The following RIMS2 variants were observed in gnomAD, a reference collection of about 807,000 sequenced individuals.
RIMS2 encodes regulating synaptic membrane exocytosis protein 2.
In RIMS2, 59 loss-of-function variants were observed where a neutral mutation model predicts 174.4. That is an observed-to-expected ratio of 0.34 (90% CI 0.27 to 0.42). The LOEUF (loss-of-function observed/expected upper bound fraction) is 0.42. Among genes scored for constraint, RIMS2 ranks in the 10% least tolerant of loss-of-function variants. RIMS2 has a pLI of 1.00. For missense variants in RIMS2, 1,620 were observed against 1,666.3 expected, an observed-to-expected ratio of 0.97 and a Z score of 0.48; for synonymous variants, 606 against 572.5, an observed-to-expected ratio of 1.06 and a Z score of -0.84.
In RIMS2 at chr8:103,795,608, G is replaced by T. The variant is rs192348853; in HGVS notation, c.698+29071G>T. Among the ~76,000 whole-genome samples the T allele has an allele frequency of 3.3e-3, 501 of 151,368 alleles. 6 individuals are homozygous for T. The highest frequency in any genetic ancestry group is 0.012 in the African/African-American group (485 of 41,318). ...AATGATGAAAAATAAGAAGTACAAA[G>T]AAAAAAAAGAGGATAAGCCTGTATT... is the stretch of plus-strand genomic sequence containing the variant. On this transcript the variant is annotated intron_variant, in intron 3 of 23. Transcript: ENST00000504942.
At chr8:103,921,624 T>G (rs754235523) in intron 9 of RIMS2, 48 bp from the exon 13 acceptor site, 1 of 806,128 alleles carries the variant, frequency 1.2e-6, no homozygotes, top group Non-Finnish European at 2.2e-6. Context: ...TACTAAATAC[T>G]TGTGAAGAGC....
intron 3 of RIMS2, among the ~76,000 whole-genome samples, chr8:103,836,999 C>T (rs1450382888): frequency 6.6e-6 from 1 of 152,174 alleles, no homozygotes; most frequent in African/African-American, 2.4e-5. Context: ...ATTTTCTCTA[C>T]GTATTTTTTA....
intron 1 of RIMS2, among the ~76,000 whole-genome samples, chr8:103,611,392 T>C (rs940539164): frequency 6.6e-5 from 10 of 152,174 alleles, no homozygotes; most frequent in African/African-American, 2.4e-4. Flanking sequence ...TTCTGCATGC[T>C]TAGTGAGTTT....
intron 3 of RIMS2, among the ~76,000 whole-genome samples, chr8:103,851,181 G>A (rs2098995762): frequency 6.6e-6 from 1 of 151,884 alleles, no homozygotes; most frequent in African/African-American, 2.4e-5. Flanking sequence ...GAAATGAAGT[G>A]ACCAGCAATA....
intron 1 of RIMS2, among the ~76,000 whole-genome samples, chr8:103,619,587 A>C (rs988250236): frequency 1.3e-5 from 2 of 152,172 alleles, no homozygotes; most frequent in Non-Finnish European, 2.9e-5. Flanking sequence ...GGGGAAGAAA[A>C]GAAAGAGCAG....
chr8:103,606,515 G>A (rs948266157), intron 1 of RIMS2, among the ~76,000 whole-genome samples: 4 of 152,154 alleles, frequency 2.6e-5, no homozygotes, highest in African/African-American at 7.2e-5. Flanking sequence ...TGTCTATTAG[G>A]TCTGCTTGGT....
intron 2 of RIMS2, among the ~76,000 whole-genome samples, chr8:103,702,086 C>A (rs2097173882): frequency 6.6e-6 from 1 of 152,042 alleles, no homozygotes; most frequent in African/African-American, 2.4e-5. Context: ...TCTCTGCATC[C>A]TTGTTAACAT....
intron 3 of RIMS2, among the ~76,000 whole-genome samples, chr8:103,824,999 G>T (rs193125084): frequency 8.0e-4 from 122 of 152,226 alleles, no homozygotes; most frequent in African/African-American, 2.8e-3. Flanking sequence ...CATATCTAGG[G>T]TCTGCTGCTT....
At chr8:103,509,706 A>G (rs1176454181) in intron 1 of RIMS2, among the ~76,000 whole-genome samples, 1 of 152,088 alleles carries the variant, frequency 6.6e-6, no homozygotes, top group African/African-American at 2.4e-5. Context: ...TGGAAAGGGG[A>G]AAGTTAAGAA....
chr8:103,750,466 G>C lies in RIMS2; in HGVS notation c.388-15761G>C, dbSNP rs114419354. ...AAATAACAAAGAGTGTAATTGGATT[G>C]TTTGCAACTCAATGGATAAATATTT... On this transcript the variant is annotated intron_variant, in intron 2 of 23. Transcript: ENST00000504942. Among the ~76,000 whole-genome samples, 1,287 of 152,144 alleles carry C rather than the reference G, an allele frequency of 8.5e-3. 29 individuals carry two copies. Among genetic ancestry groups the C allele is most frequent in the African/African-American group, 0.029 (1,211 of 41,478 alleles).
chr8:104,223,726 G>T, intron 19 of RIMS2: 1 of 1,593,112 alleles, frequency 6.3e-7, no homozygotes, highest in Non-Finnish European at 8.5e-7. Flanking sequence ...GGAGTAGCCT[G>T]TCTGCCTCCT....
In RIMS2 at chr8:104,173,613, A is replaced by ATTTTTTT. The variant is rs71297262; in HGVS notation, c.3335-71276_3335-71270dup. Among the ~76,000 whole-genome samples the ATTTTTTT allele has an allele frequency of 3.7e-3, 199 of 54,242 alleles. 41 individuals carry two copies. The highest frequency in any genetic ancestry group is 6.3e-3 in the South Asian group (6 of 950). 35.6% of individuals were successfully genotyped at this position (54,242 alleles called of 152,430 possible). A position where few individuals can be genotyped will look rare whatever the true frequency, so the allele number is the denominator to read the frequency against. Reference sequence around the variant, plus strand: ...AATATTTACTACCTTAGCTCTTCTGATTTTTTTTTTTTTTTTTTTTTTTTT... The same window carrying ATTTTTTT: ...AATATTTACTACCTTAGCTCTTCTGATTTTTTTTTTTTTTTTTTTTTTTTTTTTTTTT... On this transcript the variant is annotated intron_variant, in intron 19 of 23. Transcript: ENST00000504942.
chr8:103,961,048 T>C lies in RIMS2; in HGVS notation c.2702-17T>C. On this transcript the variant is annotated splice_polypyrimidine_tract_variant and intron_variant, in intron 14 of 23. Transcript: ENST00000504942. ...GAGAATCAGAATTTTTAATTATTGC[T>C]ATTGTTTACTTTATAGGGTCAAAGA... 4 of 1,281,146 alleles carry C rather than the reference T, an allele frequency of 3.1e-6. No homozygotes were observed. Among genetic ancestry groups the C allele is most frequent in the Non-Finnish European group, 4.5e-6 (4 of 880,648 alleles). 79.4% of individuals were successfully genotyped at this position (1,281,146 alleles called of 1,614,324 possible).
intron 19 of RIMS2, among the ~76,000 whole-genome samples, chr8:104,207,819 A>AAT (rs934094352): frequency 2.8e-4 from 42 of 149,542 alleles, no homozygotes; most frequent in Admixed American, 2.0e-4. Flanking sequence ...TTCTCAAAAA[A>AAT]ATATATATAT....
chr8:103,834,676 TTTTCTTTCTTTC>T (rs71297240), intron 3 of RIMS2, among the ~76,000 whole-genome samples: 4,827 of 119,972 alleles, frequency 0.04, 138 homozygotes, highest in Admixed American at 0.086. Context: ...TCTGAGGTCT[TTTTCTTTCTTTC>T]TTTCTTTCTT....
intron 19 of RIMS2, among the ~76,000 whole-genome samples, chr8:104,213,738 G>A (rs533689825): frequency 6.6e-5 from 10 of 151,966 alleles, no homozygotes; most frequent in East Asian, 3.9e-4. Context: ...TTAGTTGGGC[G>A]TGGTGGCACG....
chr8:104,230,275 A>G (rs543830654), intron 19 of RIMS2, among the ~76,000 whole-genome samples: 77 of 125,214 alleles, frequency 6.1e-4, no homozygotes, highest in South Asian at 1.5e-3. Context: ...GCAAAACTAC[A>G]TCTCAAAAAA....
Position 104,010,901 on chromosome 8 carries a change from T to C in RIMS2, c.3045-2541T>C, listed in dbSNP as rs79105261. 7.8e-3 allele frequency among the ~76,000 whole-genome samples: 1,192 copies of C among 152,248 alleles called. 12 individuals carry two copies. The highest frequency in any genetic ancestry group is 0.027 in the African/African-American group (1,131 of 41,552). On this transcript the variant is annotated intron_variant, in intron 17 of 23. Coordinates refer to ENST00000504942, the Ensembl canonical transcript of RIMS2. The stretch of plus-strand genomic sequence containing the variant: ...ATGGTTACAGAGGAAATGACTTATA[T>C]TGAAATAAACACTCCAAGTTAAGAA...
At chr8:103,885,797 C>T (rs770852995) in exon 4 of RIMS2, 2 of 1,612,826 alleles carry the variant, frequency 1.2e-6, no homozygotes, top group Non-Finnish European at 1.7e-6. Flanking sequence ...TATATCAGAA[C>T]GTAGAGCTGC....
Sources: allele counts gnomAD v4.1 joint callset (sites outside exome capture counted in the v4.1 genomes callset), GRCh38; gene constraint gnomAD v4.1.1; transcripts MANE v1.5; gene names NCBI Gene and HGNC (gene_info 2026-07-23, HGNC 2026-07-21).